Variants in ATP2B3 observed in about 807,000 individuals in gnomAD.
ATP2B3 encodes plasma membrane calcium-transporting ATPase 3.
Under a neutral mutation model 70.8 loss-of-function variants are expected in ATP2B3, and 12 were observed. That is an observed-to-expected ratio of 0.17 (90% CI 0.11 to 0.27). ATP2B3 has a LOEUF of 0.27. Among genes scored for constraint, ATP2B3 ranks in the 10% least tolerant of loss-of-function variants. The probability of loss-of-function intolerance (pLI) is 1.00; values close to 1 mark genes in which losing one functional copy is unlikely to be tolerated. For synonymous variants in ATP2B3, 460 were observed against 497.8 expected, an observed-to-expected ratio of 0.92 and a Z score of 1.01; for missense variants, 858 against 1,118.5, an observed-to-expected ratio of 0.77 and a Z score of 3.32.
chrX:153,566,060 C>T (rs1365252817), intron 21 of ATP2B3, among the ~76,000 whole-genome samples: 1 of 112,566 alleles, frequency 8.9e-6, no homozygotes, highest in African/African-American at 3.2e-5. Flanking sequence ...GGGGACCCCA[C>T]CTGCGGCCTG....
chrX:153,567,482 C>T (rs1210403904), intron 21 of ATP2B3, among the ~76,000 whole-genome samples: 4 of 112,881 alleles, frequency 3.5e-5, no homozygotes, highest in South Asian at 3.6e-4. Flanking sequence ...TGCCCCTCGG[C>T]GGCCCACTTC....
chrX:153,535,066 A>G (rs914684312), intron 2 of ATP2B3, among the ~76,000 whole-genome samples: 5 of 112,775 alleles, frequency 4.4e-5, no homozygotes, highest in Non-Finnish European at 7.5e-5. Context: ...TTTCAGTTCC[A>G]TGAGGATGTG....
At chrX:153,572,222 C>T (rs1289957708) in intron 21 of ATP2B3, among the ~76,000 whole-genome samples, 1 of 112,729 alleles carries the variant, frequency 8.9e-6, no homozygotes, top group East Asian at 2.8e-4. Flanking sequence ...TGACGGAGCT[C>T]CCCTAGACAA....
At chrX:153,547,194 T>C (rs1234607580) in intron 8 of ATP2B3, among the ~76,000 whole-genome samples, 1 of 107,557 alleles carries the variant, frequency 9.3e-6, no homozygotes, top group African/African-American at 3.4e-5. Flanking sequence ...GGGAGGGAGA[T>C]GAGGAAGTGA....
intron 2 of ATP2B3, among the ~76,000 whole-genome samples, chrX:153,520,087 G>A (rs1322627457): frequency 9.2e-6 from 1 of 108,832 alleles, no homozygotes; most frequent in Non-Finnish European, 1.9e-5. Context: ...GAGGGTGGGG[G>A]TGGGCCTGGG....
chrX:153,535,129 C>T (rs1371996848), intron 2 of ATP2B3, among the ~76,000 whole-genome samples: 1 of 112,957 alleles, frequency 8.9e-6, no homozygotes, highest in East Asian at 2.8e-4. Context: ...TGCAGTGGGC[C>T]CCGCCAAACA....
At chrX:153,560,040 C>A in intron 18 of ATP2B3, 98 bp downstream of exon 18, 1 of 891,818 alleles carries the variant, frequency 1.1e-6, no homozygotes, top group South Asian at 2.4e-5. Flanking sequence ...TGTCTCCGCA[C>A]CCAGTACGGG....
chrX:153,561,157 C>A (rs948400194), intron 19 of ATP2B3, among the ~76,000 whole-genome samples: 3 of 112,374 alleles, frequency 2.7e-5, no homozygotes, highest in African/African-American at 9.7e-5. Context: ...AGTTTTCTCA[C>A]AGATGCTGGA....
chrX:153,523,220 T>C (rs1318264742), intron 2 of ATP2B3, among the ~76,000 whole-genome samples: 3 of 112,660 alleles, frequency 2.7e-5, no homozygotes, highest in African/African-American at 9.7e-5. Context: ...AAAGAAAGAA[T>C]GATCTTGAAC....
chrX:153,561,012 C>G, intron 19 of ATP2B3, 125 bp downstream of exon 19: 3 of 791,017 alleles, frequency 3.8e-6, no homozygotes, highest in East Asian at 3.4e-5. Flanking sequence ...GAGCCCCACC[C>G]CACCTGGCTT....
At chrX:153,524,487 C>A (rs781787133) in intron 2 of ATP2B3, among the ~76,000 whole-genome samples, 13 of 111,857 alleles carry the variant, frequency 1.2e-4, no homozygotes, top group African/African-American at 4.2e-4. Context: ...GAACACTGGG[C>A]TGCCAGATTT....
At chrX:153,571,152 C>T (rs1002196672) in intron 21 of ATP2B3, among the ~76,000 whole-genome samples, 1 of 112,384 alleles carries the variant, frequency 8.9e-6, no homozygotes, top group Non-Finnish European at 1.9e-5. Flanking sequence ...GGCTGAAAAG[C>T]AGTCGGCGCC....
chrX:153,545,878 C>A (rs781872266), intron 7 of ATP2B3, among the ~76,000 whole-genome samples: 1 of 111,591 alleles, frequency 9.0e-6, no homozygotes, highest in South Asian at 3.8e-4. Flanking sequence ...AGCTTAAGGC[C>A]GAAGGGGAGC....
chrX:153,579,346 C>T (rs782756529), intron 21 of ATP2B3, among the ~76,000 whole-genome samples: 1 of 112,576 alleles, frequency 8.9e-6, no homozygotes, highest in African/African-American at 3.2e-5. Context: ...GGGAGACCCT[C>T]GACATGGCAG....
chrX:153,559,408 A>C, intron 17 of ATP2B3: 1 of 286,990 alleles, frequency 3.5e-6, no homozygotes. Flanking sequence ...GGTGCAGGAG[A>C]CAAGGAGAGC....
intron 17 of ATP2B3, among the ~76,000 whole-genome samples, chrX:153,559,045 G>A (rs993642242): frequency 1.3e-3 from 2 of 1,544 alleles, no homozygotes; most frequent in African/African-American, 1.5e-3. Context: ...TTTTTAAATT[G>A]AGATAAAAAA....
intron 21 of ATP2B3, among the ~76,000 whole-genome samples, chrX:153,571,110 G>C (rs1367281743): frequency 1.8e-5 from 2 of 111,044 alleles, no homozygotes; most frequent in Non-Finnish European, 3.8e-5. Context: ...ACCTACCCTT[G>C]TCACAAATAT....
Position 153,548,499 on chromosome X carries a change from T to A in ATP2B3, c.1124-141T>A. 5.5e-6 allele frequency: 3 copies of A among 550,088 alleles called. No individual in the cohort carries two copies. In the South Asian group the frequency reaches 9.4e-5, roughly 17 times the overall value. The allele number at this position is 550,088 out of a possible 1,213,427, so 45.3% of individuals were successfully genotyped here. A position where few individuals can be genotyped will look rare whatever the true frequency, so the allele number is the denominator to read the frequency against. On this transcript the variant is annotated intron_variant, in intron 9 of 21. Coordinates refer to ENST00000263519, the MANE Select transcript of ATP2B3 (RefSeq NM_001001344.3). Reference sequence around the variant, plus strand: ...ACCTGCTGAGCCAAACCTGGGCTGTTTATCCTGAAACGCAAGGCAAATCTA... The same window carrying A: ...ACCTGCTGAGCCAAACCTGGGCTGTATATCCTGAAACGCAAGGCAAATCTA...
intron 2 of ATP2B3, among the ~76,000 whole-genome samples, chrX:153,525,046 C>T (rs2124315677): frequency 8.9e-6 from 1 of 111,946 alleles, no homozygotes; most frequent in East Asian, 2.8e-4. Flanking sequence ...TGAGTGAAGG[C>T]CCCCAGCTGA....
Sources: gnomAD v4.1 joint callset for allele counts (sites outside exome capture counted in the v4.1 genomes callset) on GRCh38, gnomAD v4.1.1 for gene constraint, MANE v1.5 for transcripts, NCBI Gene and HGNC (gene_info 2026-07-23, HGNC 2026-07-21) for gene names.